CNTN3: variants seen among roughly 807,000 people sequenced by gnomAD.
CNTN3 encodes contactin 3.
Under a neutral mutation model 119.1 loss-of-function variants are expected in CNTN3, and 60 were observed. The observed-to-expected ratio is 0.50, with a 90% CI of 0.41 to 0.62. CNTN3 has a LOEUF of 0.62. Ranked by LOEUF, CNTN3 falls within the 20% of genes least tolerant of loss-of-function variation. CNTN3 has a pLI of 0.00. For missense variants in CNTN3, 1,101 were observed against 1,242.4 expected, an observed-to-expected ratio of 0.89 and a Z score of 1.71; for synonymous variants, 450 against 438.7, an observed-to-expected ratio of 1.03 and a Z score of -0.32.
intron 20 of CNTN3, among the ~76,000 whole-genome samples, chr3:74,275,198 G>A (rs577131761): frequency 1.3e-5 from 2 of 152,168 alleles, no homozygotes; most frequent in South Asian, 4.1e-4. Context: ...CCTAAGAAGA[G>A]AAATCTAAAA....
chr3:74,436,550 G>A (rs557705303), intron 4 of CNTN3, among the ~76,000 whole-genome samples: 14 of 152,202 alleles, frequency 9.2e-5, no homozygotes, highest in Middle Eastern at 3.4e-3. Flanking sequence ...AACTAATTAC[G>A]CTAGTAACAA....
At chr3:74,460,587 GTTCA>G (rs1338897710) in intron 4 of CNTN3, among the ~76,000 whole-genome samples, 1 of 151,294 alleles carries the variant, frequency 6.6e-6, no homozygotes, top group African/African-American at 2.4e-5. Flanking sequence ...GTTTCCATCA[GTTCA>G]TTATCATATT....
chr3:74,595,929 A>C (rs1277705241), intron 1 of CNTN3, among the ~76,000 whole-genome samples: 12 of 152,064 alleles, frequency 7.9e-5, no homozygotes, highest in African/African-American at 2.9e-4. Context: ...ATGATAGTAT[A>C]TCTAGAAAAC....
chr3:74,477,239 C>T (rs543972912), intron 4 of CNTN3, among the ~76,000 whole-genome samples: 1 of 152,230 alleles, frequency 6.6e-6, no homozygotes, highest in South Asian at 2.1e-4. Flanking sequence ...TAGAATCTGC[C>T]CAAAGTCACA....
chr3:74,298,002 C>T lies in CNTN3; in HGVS notation c.2356G>A (p.Glu786Lys). The T allele has an allele frequency of 6.2e-7, 1 of 1,614,036 alleles. No homozygotes were observed. The highest frequency in any genetic ancestry group is 1.1e-5 in the South Asian group (1 of 91,076). Residue 786 changes from glutamate (E) to lysine (K), a missense_variant, in exon 18 of 23, where the codon GAA becomes AAA. Coordinates refer to ENST00000263665, the MANE Select transcript of CNTN3 (RefSeq NM_020872.3). ...GTTGTCACTGGGCTAAATGGTCCTT[C>T]ACCTTTGTTATTATAAACACCCACT... ...VKVGVYNNKG[E>K]GPFSPVTTVF...
chr3:74,468,307 G>C (rs928949260), intron 4 of CNTN3, among the ~76,000 whole-genome samples: 1 of 152,176 alleles, frequency 6.6e-6, no homozygotes, highest in East Asian at 1.9e-4. Context: ...TGCTTCTTAC[G>C]GCTGGTAACT....
chr3:74,292,005 T>C (rs1702241456), intron 19 of CNTN3, among the ~76,000 whole-genome samples: 4 of 152,164 alleles, frequency 2.6e-5, no homozygotes, highest in South Asian at 2.1e-4. Context: ...TTCTCTTCTA[T>C]GTTTTCCTCA....
chr3:74,284,866 T>C (rs1162520841), intron 20 of CNTN3, among the ~76,000 whole-genome samples: 1 of 152,202 alleles, frequency 6.6e-6, no homozygotes, highest in Non-Finnish European at 1.5e-5. Context: ...CTGATAACCA[T>C]TTAATGCACA....
intron 19 of CNTN3, among the ~76,000 whole-genome samples, chr3:74,289,269 T>C (rs1180147294): frequency 6.6e-6 from 1 of 152,254 alleles, no homozygotes; most frequent in African/African-American, 2.4e-5. Flanking sequence ...TTTTTCTTTA[T>C]ACTTACCAAG....
chr3:74,273,137 T>C (rs539784443), intron 20 of CNTN3, among the ~76,000 whole-genome samples: 31 of 152,206 alleles, frequency 2.0e-4, no homozygotes, highest in Non-Finnish European at 4.4e-4. Context: ...TTAAGTCATA[T>C]ATATAAAAAT....
chr3:74,467,721 C>T (rs1227294163), intron 4 of CNTN3, among the ~76,000 whole-genome samples: 3 of 152,132 alleles, frequency 2.0e-5, no homozygotes, highest in Non-Finnish European at 4.4e-5. Context: ...CAGCTGCTAC[C>T]TTCACCAGGC....
At chr3:74,332,550 C>A (rs1016398443) in intron 13 of CNTN3, among the ~76,000 whole-genome samples, 1 of 152,166 alleles carries the variant, frequency 6.6e-6, no homozygotes, top group South Asian at 2.1e-4. Flanking sequence ...ATTATAAACT[C>A]GAATGTTTTT....
chr3:74,317,627 G>A (rs909992930), intron 13 of CNTN3, among the ~76,000 whole-genome samples: 4 of 152,062 alleles, frequency 2.6e-5, no homozygotes, highest in South Asian at 2.1e-4. Context: ...GAAATTCTGG[G>A]TTGAAAATTC....
chr3:74,297,634 T>C (rs1235110383), intron 18 of CNTN3, among the ~76,000 whole-genome samples: 1 of 152,198 alleles, frequency 6.6e-6, no homozygotes. Flanking sequence ...CTTTTATCTG[T>C]AGCTATCTGG....
chr3:74,418,759 A>G (rs1165674561), intron 5 of CNTN3, among the ~76,000 whole-genome samples: 1 of 151,600 alleles, frequency 6.6e-6, no homozygotes, highest in South Asian at 2.1e-4. Context: ...AAAAATGCTA[A>G]TGTTTTAAAG....
intron 5 of CNTN3, among the ~76,000 whole-genome samples, chr3:74,397,501 A>G (rs963033284): frequency 1.3e-5 from 1 of 74,188 alleles, no homozygotes; most frequent in Non-Finnish European, 2.6e-5. Flanking sequence ...TACTTTGCCA[A>G]CTGGTGTTCT....
At chr3:74,593,669 T>G (rs1704741855) in intron 1 of CNTN3, among the ~76,000 whole-genome samples, 2 of 151,960 alleles carry the variant, frequency 1.3e-5, no homozygotes, top group South Asian at 2.1e-4. Flanking sequence ...AAACTGAAGC[T>G]TAGTTAAGTT....
chr3:74,321,543 A>C (rs1306768011), intron 13 of CNTN3, among the ~76,000 whole-genome samples: 3 of 152,026 alleles, frequency 2.0e-5, no homozygotes, highest in Non-Finnish European at 4.4e-5. Flanking sequence ...AAAAGGAATA[A>C]AAAAAATCAA....
chr3:74,492,223 G>GT (rs1274500260), intron 3 of CNTN3, among the ~76,000 whole-genome samples: 1 of 152,110 alleles, frequency 6.6e-6, no homozygotes, highest in African/African-American at 2.4e-5. Context: ...CACAAATCTA[G>GT]TAATTCTCAA....
Sources: allele counts gnomAD v4.1 joint callset (sites outside exome capture counted in the v4.1 genomes callset), GRCh38; gene constraint gnomAD v4.1.1; transcripts MANE v1.5; gene names NCBI Gene and HGNC (gene_info 2026-07-23, HGNC 2026-07-21).